Variants in USH2A observed in about 807,000 individuals in gnomAD.
USH2A encodes Usher syndrome 2A (autosomal recessive, mild).
A neutral mutation model predicts 538.9 loss-of-function variants in USH2A; 443 were observed. The observed-to-expected ratio is 0.82, with a 90% CI of 0.76 to 0.89. The LOEUF is 0.89. Ranked by LOEUF, USH2A falls within the 40% of genes least tolerant of loss-of-function variation. USH2A has a pLI of 0.00. For synonymous variants in USH2A, 2,413 were observed against 2,273.5 expected, an observed-to-expected ratio of 1.06 and a Z score of -1.75; for missense variants, 6,633 against 6,324.8, an observed-to-expected ratio of 1.05 and a Z score of -1.65.
intron 9 of USH2A, among the ~76,000 whole-genome samples, chr1:216,314,289 A>G (rs1216319361): frequency 6.6e-6 from 1 of 152,176 alleles, no homozygotes; most frequent in Admixed American, 6.6e-5. Flanking sequence ...AACTAGTACA[A>G]GTGTTTTTCA....
intron 38 of USH2A, among the ~76,000 whole-genome samples, chr1:215,910,836 T>C (rs2102478889): frequency 6.6e-6 from 1 of 152,036 alleles, no homozygotes; most frequent in Non-Finnish European, 1.5e-5. Flanking sequence ...CTCTGTAATT[T>C]TCTTACCCAT....
At position 215,867,085 on chromosome 1, in the gene USH2A, C is replaced by T. The variant is rs1054471594; in HGVS notation, c.8767G>A (p.Gly2923Ser). ...SREVTVTTLA[G>S]LPERGANLTA... ...AGATTGGCTCCTCTCTCTGGAAGAC[C>T]AGCTAACGTTGTCACAGTCACTTCT... is the stretch of plus-strand genomic sequence containing the variant. The change falls in exon 44 of 72, where the codon GGT becomes AGT. Residue 2923 changes from glycine to serine, a missense_variant. Transcript: ENST00000307340. The T allele has an allele frequency of 1.2e-6, 2 of 1,614,028 alleles. No homozygotes were observed. Among genetic ancestry groups the T allele is most frequent in the Non-Finnish European group, 1.7e-6 (2 of 1,180,018 alleles).
chr1:216,418,710 G>A (rs1269432744), intron 2 of USH2A, 31 bp from the exon 3 acceptor site: 13 of 1,611,612 alleles, frequency 8.1e-6, no homozygotes, highest in Admixed American at 1.7e-5. Flanking sequence ...GAGAGAAAAG[G>A]TCAGCATCCA....
chr1:216,014,987 G>A (rs1668671004), intron 32 of USH2A, among the ~76,000 whole-genome samples: 1 of 152,036 alleles, frequency 6.6e-6, no homozygotes, highest in African/African-American at 2.4e-5. Context: ...AAATTACATA[G>A]CACTTTTTTG....
intron 64 of USH2A, among the ~76,000 whole-genome samples, chr1:215,653,390 C>T (rs2102647005): frequency 6.6e-6 from 1 of 152,308 alleles, no homozygotes; most frequent in African/African-American, 2.4e-5. Flanking sequence ...CTTCATAATA[C>T]ATTACTCTTT....
At position 216,086,810 on chromosome 1, in the gene USH2A, G is replaced by T; in HGVS notation, c.4896C>A (p.Ala1632=). The T allele has an allele frequency of 6.2e-7, 1 of 1,612,560 alleles. No individual in the cohort carries two copies. Among genetic ancestry groups the T allele is most frequent in the South Asian group, 1.1e-5 (1 of 91,038 alleles). ...CAATAACAGTACTACCATTCAGGAT[G>T]GCAGAGGAACCTAGAGAAGAGGAGA... is the stretch of plus-strand genomic sequence containing the variant. ...TLDGIYTGSS[A]ILNGSTVIGD... The change falls in exon 24 of 72, where the codon GCC becomes GCA. Residue 1632 remains alanine (A), a synonymous_variant. Coordinates refer to ENST00000307340, the MANE Select transcript of USH2A (RefSeq NM_206933.4).
At chr1:216,128,312 A>G (rs910899254) in intron 21 of USH2A, among the ~76,000 whole-genome samples, 8 of 152,114 alleles carry the variant, frequency 5.3e-5, no homozygotes, top group Non-Finnish European at 5.9e-5. Context: ...GAGTAACGCA[A>G]TGAGGCTTAG....
intron 4 of USH2A, among the ~76,000 whole-genome samples, chr1:216,333,850 T>G (rs1319571059): frequency 6.6e-6 from 1 of 152,038 alleles, no homozygotes; most frequent in Non-Finnish European, 1.5e-5. Context: ...CAAAAACTAT[T>G]TTTTCTAGCA....
chr1:216,012,971 A>G (rs1376565513), intron 32 of USH2A, among the ~76,000 whole-genome samples: 1 of 152,116 alleles, frequency 6.6e-6, no homozygotes. Context: ...TCTTGTTTAC[A>G]CTGCCAGTTT....
intron 60 of USH2A, among the ~76,000 whole-genome samples, chr1:215,731,949 C>T (rs560315528): frequency 3.0e-4 from 46 of 152,292 alleles, no homozygotes; most frequent in Admixed American, 8.5e-4. Flanking sequence ...TCTGTGTCCT[C>T]TAGTTTCTAT....
intron 38 of USH2A, among the ~76,000 whole-genome samples, chr1:215,921,244 G>T (rs1257199493): frequency 6.6e-6 from 1 of 152,016 alleles, no homozygotes; most frequent in Non-Finnish European, 1.5e-5. Context: ...CAAAATACTT[G>T]GTGGGCAAGT....
intron 21 of USH2A, among the ~76,000 whole-genome samples, chr1:216,164,624 T>A (rs564848999): frequency 2.0e-5 from 3 of 152,116 alleles, no homozygotes; most frequent in Non-Finnish European, 4.4e-5. Context: ...AGAACATGTA[T>A]GCTTCTAGTG....
At chr1:215,929,730 T>C (rs888969305) in intron 38 of USH2A, among the ~76,000 whole-genome samples, 1 of 152,028 alleles carries the variant, frequency 6.6e-6, no homozygotes, top group African/African-American at 2.4e-5. Context: ...CCAGCCTCTT[T>C]AATGGATGAG....
chr1:215,857,379 A>G (rs1664196511), intron 44 of USH2A, among the ~76,000 whole-genome samples: 1 of 152,140 alleles, frequency 6.6e-6, no homozygotes, highest in South Asian at 2.1e-4. Context: ...TAAATTTGAA[A>G]AGGAGAGCTT....
At chr1:216,145,706 T>C (rs1280923936) in intron 21 of USH2A, among the ~76,000 whole-genome samples, 1 of 152,066 alleles carries the variant, frequency 6.6e-6, no homozygotes, top group Non-Finnish European at 1.5e-5. Context: ...AGTGAATATG[T>C]CCTGCCCCAC....
chr1:215,873,570 C>G (rs930976698), intron 43 of USH2A, among the ~76,000 whole-genome samples: 4 of 152,014 alleles, frequency 2.6e-5, no homozygotes, highest in African/African-American at 9.7e-5. Flanking sequence ...TCTTTTAGGA[C>G]TTGAAACATC....
chr1:215,862,028 C>T (rs554853726), intron 44 of USH2A, among the ~76,000 whole-genome samples: 6 of 151,876 alleles, frequency 4.0e-5, no homozygotes, highest in East Asian at 3.9e-4. Context: ...TTAGTAGAGA[C>T]GGAGTTTCAC....
intron 61 of USH2A, among the ~76,000 whole-genome samples, chr1:215,724,395 T>C (rs72740622): frequency 0.017 from 2,324 of 133,774 alleles, 24 homozygotes; most frequent in South Asian, 0.037. Context: ...CACTTATAAG[T>C]AGGACTACAT....
Position 215,848,259 on chromosome 1 carries a change from CT to C in USH2A, c.8846-2227del, listed in dbSNP as rs112710238. Among the ~76,000 whole-genome samples, 1,206 of 152,194 alleles carry C rather than the reference CT, an allele frequency of 7.9e-3. 12 individuals are homozygous for C. Among genetic ancestry groups the C allele is most frequent in the African/African-American group, 0.028 (1,159 of 41,522 alleles). ...CTGCTATGGTATAATGCAAAGTGTACTAGATTTGTAGTTTATGTTGAATTTT... is the reference window on the plus strand; with the variant it reads ...CTGCTATGGTATAATGCAAAGTGTACAGATTTGTAGTTTATGTTGAATTTT... On this transcript the variant is annotated intron_variant, in intron 44 of 71. Transcript: ENST00000307340.
Sources: gnomAD v4.1 joint callset for allele counts (sites outside exome capture counted in the v4.1 genomes callset) on GRCh38, gnomAD v4.1.1 for gene constraint, MANE v1.5 for transcripts, NCBI Gene and HGNC (gene_info 2026-07-23, HGNC 2026-07-21) for gene names.